The following ARL13A variants were observed in gnomAD, a reference collection of about 807,000 sequenced individuals.
ARL13A encodes ARF like GTPase 13A.
In ARL13A, 16 loss-of-function variants were observed where a neutral mutation model predicts 19.1. That is an observed-to-expected ratio of 0.84 (90% confidence interval 0.57 to 1.27). The LOEUF is 1.27. Ranked by LOEUF, ARL13A falls within the 50% of genes most tolerant of loss-of-function variation. The pLI, the probability that ARL13A is intolerant of heterozygous loss-of-function variation, is 0.00. For missense variants in ARL13A, 153 were observed against 186.4 expected, an observed-to-expected ratio of 0.82 and a Z score of 1.04; for synonymous variants, 69 against 71.3, an observed-to-expected ratio of 0.97 and a Z score of 0.17.
chrX:100,976,225 A>G (rs931395092), intron 3 of ARL13A, among the ~76,000 whole-genome samples: 3 of 109,158 alleles, frequency 2.7e-5, no homozygotes, highest in African/African-American at 1.0e-4. Flanking sequence ...CTAGGAATCT[A>G]TATTTTAAGA....
At chrX:100,990,316 T>A (rs2086001049) in intron 7 of ARL13A, 2 of 892,860 alleles carry the variant, frequency 2.2e-6, no homozygotes, top group African/African-American at 4.2e-5. Context: ...CTGACCTTTT[T>A]CTCTTTTTAC....
At chrX:100,977,860 G>T (rs2147966055) in intron 3 of ARL13A, among the ~76,000 whole-genome samples, 1 of 112,295 alleles carries the variant, frequency 8.9e-6, no homozygotes, top group African/African-American at 3.2e-5. Flanking sequence ...TGGCTAAATA[G>T]TACTCCATTG....
intron 3 of ARL13A, among the ~76,000 whole-genome samples, chrX:100,979,269 T>C (rs1437272336): frequency 8.9e-6 from 1 of 112,044 alleles, no homozygotes; most frequent in Non-Finnish European, 1.9e-5. Flanking sequence ...ATCCTTTTCT[T>C]TCAGATTGAA....
intron 3 of ARL13A, among the ~76,000 whole-genome samples, chrX:100,982,499 AAATAAAT>A (rs1408089692): frequency 9.2e-6 from 1 of 108,455 alleles, no homozygotes; most frequent in African/African-American, 3.4e-5. Context: ...ATAAATAAAT[AAATAAAT>A]AAAATGCTCT....
At chrX:100,984,900 G>T (rs1011782020) in intron 3 of ARL13A, among the ~76,000 whole-genome samples, 2 of 112,140 alleles carry the variant, frequency 1.8e-5, no homozygotes, top group Non-Finnish European at 1.9e-5. Flanking sequence ...TTGGCATCAT[G>T]AATGTAATGG....
At chrX:100,977,658 G>A (rs1290253335) in intron 3 of ARL13A, among the ~76,000 whole-genome samples, 1 of 111,616 alleles carries the variant, frequency 9.0e-6, no homozygotes, top group Non-Finnish European at 1.9e-5. Context: ...TGGGATTATA[G>A]GCATGTACCA....
intron 3 of ARL13A, among the ~76,000 whole-genome samples, chrX:100,978,867 T>G (rs747459891): frequency 9.0e-6 from 1 of 111,005 alleles, no homozygotes; most frequent in South Asian, 3.8e-4. Flanking sequence ...GTTTTTTGAT[T>G]TGAAGTTACC....
intron 1 of ARL13A, among the ~76,000 whole-genome samples, chrX:100,973,309 G>C (rs1300312116): frequency 1.1e-5 from 1 of 89,343 alleles, no homozygotes; most frequent in Non-Finnish European, 2.2e-5. Context: ...TCCCAGACGG[G>C]GTGGCGGCCG....
chrX:100,984,666 C>T (rs2085911984), intron 3 of ARL13A, among the ~76,000 whole-genome samples: 1 of 112,040 alleles, frequency 8.9e-6, no homozygotes, highest in Non-Finnish European at 1.9e-5. Flanking sequence ...GACATCCTCC[C>T]TCATATAGCT....
At chrX:100,988,851 CATATATATAT>C (rs55947893) in intron 7 of ARL13A, among the ~76,000 whole-genome samples, 6 of 79,688 alleles carry the variant, frequency 7.5e-5, no homozygotes, top group Non-Finnish European at 1.2e-4. Flanking sequence ...TAATATATCT[CATATATATAT>C]ATATATATAT....
At chrX:100,981,671 T>A (rs1442637008) in intron 3 of ARL13A, among the ~76,000 whole-genome samples, 2 of 105,937 alleles carry the variant, frequency 1.9e-5, no homozygotes, top group African/African-American at 6.9e-5. Context: ...TAGCCAGGTA[T>A]GGTGACACAT....
chrX:100,976,659 C>T, intron 3 of ARL13A, among the ~76,000 whole-genome samples: 1 of 112,581 alleles, frequency 8.9e-6, no homozygotes, highest in African/African-American at 3.2e-5. Flanking sequence ...GTTGCCCAAG[C>T]TGGAGTGCAA....
intron 3 of ARL13A, 140 bp downstream of exon 3, chrX:100,974,337 G>GCACA (rs1348054286): frequency 2.3e-6 from 1 of 431,970 alleles, no homozygotes; most frequent in Non-Finnish European, 4.1e-6. Context: ...TAACACACAC[G>GCACA]CACACACACA....
Position 100,978,879 on chromosome X carries a change from TG to T in ARL13A, c.130+4686del, listed in dbSNP as rs369673194. Among the ~76,000 whole-genome samples the T allele has an allele frequency of 3.9e-3, 431 of 110,961 alleles. 4 individuals are homozygous for T. The highest frequency in any genetic ancestry group is 0.014 in the African/African-American group (417 of 30,615). On this transcript the variant is annotated intron_variant, in intron 3 of 7. Transcript: ENST00000450049. ...TAGGTTTTTTGATTTGAAGTTACCA[TG>T]GGGCTTGCAAATAACATCTTATAAC...
intron 3 of ARL13A, among the ~76,000 whole-genome samples, chrX:100,985,398 G>C (rs919329063): frequency 8.9e-6 from 1 of 111,914 alleles, no homozygotes; most frequent in Non-Finnish European, 1.9e-5. Flanking sequence ...TGGGTAAAGC[G>C]ATGATTTAGG....
intron 7 of ARL13A, chrX:100,990,290 G>A (rs1458867422): frequency 1.2e-6 from 1 of 836,565 alleles, no homozygotes; most frequent in Non-Finnish European, 1.4e-6. Context: ...CTGGCACTTG[G>A]CTTCACTTAC....
At chrX:100,986,636 T>C (rs1383611102) in intron 4 of ARL13A, among the ~76,000 whole-genome samples, 160 bp from the exon 5 acceptor site, 1 of 112,452 alleles carries the variant, frequency 8.9e-6, no homozygotes, top group Non-Finnish European at 1.9e-5. Context: ...GAAAAATGTC[T>C]AGCTCATCTC....
chrX:100,972,340 C>T (rs1602432464), intron 1 of ARL13A, among the ~76,000 whole-genome samples: 2 of 100,457 alleles, frequency 2.0e-5, no homozygotes, highest in African/African-American at 3.6e-5. Context: ...CCGGACGGGG[C>T]GGCTGGCCGG....
At chrX:100,974,879 C>T (rs921656903) in intron 3 of ARL13A, among the ~76,000 whole-genome samples, 4 of 111,463 alleles carry the variant, frequency 3.6e-5, no homozygotes, top group Admixed American at 1.9e-4. Context: ...AGTATGATGA[C>T]GTGGTTGAGT....
Sources: allele counts gnomAD v4.1 joint callset (sites outside exome capture counted in the v4.1 genomes callset), GRCh38; gene constraint gnomAD v4.1.1; transcripts MANE v1.5; gene names NCBI Gene and HGNC (gene_info 2026-07-23, HGNC 2026-07-21).